Variants in PLA2G4A observed in about 807,000 individuals in gnomAD.
PLA2G4A encodes phospholipase A2 group IVA.
In PLA2G4A, 40 loss-of-function variants were observed where a neutral mutation model predicts 81.9. The observed-to-expected ratio is 0.49, with a 90% CI of 0.38 to 0.64. PLA2G4A has a LOEUF of 0.64. Ranked by LOEUF, PLA2G4A falls within the 30% of genes least tolerant of loss-of-function variation. The pLI, the probability that PLA2G4A is intolerant of heterozygous loss-of-function variation, is 0.00. For missense variants in PLA2G4A, 715 were observed against 905.1 expected (o/e 0.79, Z 2.69); for synonymous variants, 302 against 296.9 (o/e 1.02, Z -0.18).
chr1:186,898,198 T>C (rs1654410297), intron 5 of PLA2G4A, among the ~76,000 whole-genome samples: 1 of 152,056 alleles, frequency 6.6e-6, no homozygotes, highest in South Asian at 2.1e-4. Context: ...AACTTGTAAA[T>C]AGATTGTGTT....
chr1:186,983,526 C>G (rs1657796734), intron 17 of PLA2G4A, among the ~76,000 whole-genome samples: 1 of 152,170 alleles, frequency 6.6e-6, no homozygotes, highest in African/African-American at 2.4e-5. Context: ...CCTGCTTTGC[C>G]AAAGCTAAAT....
At chr1:186,865,827 T>C (rs1171404883) in intron 2 of PLA2G4A, among the ~76,000 whole-genome samples, 2 of 152,192 alleles carry the variant, frequency 1.3e-5, no homozygotes, top group Admixed American at 6.6e-5. Flanking sequence ...AATATACTTA[T>C]CCAGAATGAA....
chr1:186,944,274 G>A (rs1290585138), intron 10 of PLA2G4A, among the ~76,000 whole-genome samples: 1 of 152,122 alleles, frequency 6.6e-6, no homozygotes, highest in South Asian at 2.1e-4. Flanking sequence ...GTCACCAGCA[G>A]GAGAGAATTA....
intron 7 of PLA2G4A, among the ~76,000 whole-genome samples, chr1:186,927,863 T>C (rs1175287685): frequency 6.6e-6 from 1 of 152,190 alleles, no homozygotes; most frequent in Non-Finnish European, 1.5e-5. Context: ...TCCATTCCTA[T>C]GTTTCTGTTG....
At chr1:186,892,447 T>A (rs1364854236) in intron 3 of PLA2G4A, among the ~76,000 whole-genome samples, 2 of 152,226 alleles carry the variant, frequency 1.3e-5, no homozygotes, top group African/African-American at 2.4e-5. Context: ...TTTAAATTTT[T>A]AATCCATTTT....
intron 1 of PLA2G4A, among the ~76,000 whole-genome samples, chr1:186,837,114 G>T (rs926978183): frequency 1.3e-5 from 2 of 152,170 alleles, no homozygotes; most frequent in East Asian, 1.9e-4. Flanking sequence ...GAGGGAAAGT[G>T]GTTCTAGAGG....
intron 14 of PLA2G4A, among the ~76,000 whole-genome samples, chr1:186,960,143 G>T (rs924166671): frequency 1.8e-4 from 27 of 152,256 alleles, no homozygotes; most frequent in Middle Eastern, 3.4e-3. Context: ...CTGCAAAATA[G>T]TTGTGTACCT....
At chr1:186,909,602 G>T (rs1258458612) in intron 6 of PLA2G4A, among the ~76,000 whole-genome samples, 2 of 147,948 alleles carry the variant, frequency 1.4e-5, no homozygotes, top group Non-Finnish European at 3.0e-5. Flanking sequence ...GGAGGTTGTG[G>T]TGAGCTGAGA....
chr1:186,958,703 T>C (rs1656841085), intron 14 of PLA2G4A, among the ~76,000 whole-genome samples: 1 of 152,198 alleles, frequency 6.6e-6, no homozygotes, highest in Non-Finnish European at 1.5e-5. Context: ...ATGGAAGTTT[T>C]CTTTGTGTAT....
At chr1:186,910,385 A>T (rs1323566351) in intron 6 of PLA2G4A, among the ~76,000 whole-genome samples, 1 of 152,136 alleles carries the variant, frequency 6.6e-6, no homozygotes, top group Non-Finnish European at 1.5e-5. Flanking sequence ...ACAGATTTTT[A>T]AAAAGTATTT....
chr1:186,864,464 T>A (rs1318592239), intron 2 of PLA2G4A, among the ~76,000 whole-genome samples: 1 of 152,102 alleles, frequency 6.6e-6, no homozygotes, highest in Non-Finnish European at 1.5e-5. Flanking sequence ...CCAGCATTTG[T>A]CATTTTTGTG....
chr1:186,843,519 C>G (rs1027399517), intron 1 of PLA2G4A, among the ~76,000 whole-genome samples: 2 of 152,128 alleles, frequency 1.3e-5, no homozygotes, highest in Non-Finnish European at 2.9e-5. Context: ...TTGTGCTGCT[C>G]ACAGCTATGG....
intron 7 of PLA2G4A, among the ~76,000 whole-genome samples, chr1:186,915,909 C>G (rs1304931094): frequency 1.2e-4 from 19 of 152,122 alleles, no homozygotes; most frequent in Admixed American, 1.2e-3. Flanking sequence ...GTTTTAGGAC[C>G]CAGAAATTAT....
chr1:186,921,667 G>C (rs994531245), intron 7 of PLA2G4A, among the ~76,000 whole-genome samples: 6 of 152,232 alleles, frequency 3.9e-5, no homozygotes, highest in Non-Finnish European at 7.4e-5. Flanking sequence ...GGCCTCAGGA[G>C]TGGGGAGCCC....
At chr1:186,932,647 A>G in intron 7 of PLA2G4A, 116 bp from the exon 8 acceptor site, 1 of 1,061,848 alleles carries the variant, frequency 9.4e-7, no homozygotes, top group South Asian at 1.3e-5. Flanking sequence ...GTATGAAGTT[A>G]ACTTACACTT....
chr1:186,911,767 G>A (rs567185999), intron 7 of PLA2G4A, among the ~76,000 whole-genome samples: 1 of 152,198 alleles, frequency 6.6e-6, no homozygotes, highest in South Asian at 2.1e-4. Flanking sequence ...TAGATATGAG[G>A]AGATTTATTA....
intron 14 of PLA2G4A, among the ~76,000 whole-genome samples, chr1:186,962,485 AT>A (rs1347818495): frequency 1.6e-5 from 2 of 124,760 alleles, no homozygotes; most frequent in Non-Finnish European, 1.6e-5. Flanking sequence ...TAGTTATTTT[AT>A]TTTATTTATT....
chr1:186,904,552 G>A (rs1222454522), intron 5 of PLA2G4A, among the ~76,000 whole-genome samples: 1 of 152,228 alleles, frequency 6.6e-6, no homozygotes, highest in Non-Finnish European at 1.5e-5. Flanking sequence ...ATTTCCTCCT[G>A]GTTGTGGGTG....
rs12720563 is a variant in PLA2G4A at position 186,911,490 on chromosome 1, G to A, written c.558+101G>A. 6.6e-4 allele frequency: 584 copies of A among 880,208 alleles called. 2 individuals are homozygous for A. The highest frequency in any genetic ancestry group is 2.0e-3 in the East Asian group (81 of 40,296). 54.5% of individuals were successfully genotyped at this position (880,208 alleles called of 1,614,324 possible). A position where few individuals can be genotyped will look rare whatever the true frequency, so the allele number is the denominator to read the frequency against. ...CCAAATATGGCAATATTGAGATTGA[G>A]CATTATTCCTTTAGTTTTTTAAGGT... On this transcript the variant is annotated intron_variant, in intron 7 of 17. Coordinates refer to ENST00000367466, the MANE Select transcript of PLA2G4A (RefSeq NM_024420.3).
Sources: allele counts gnomAD v4.1 joint callset (sites outside exome capture counted in the v4.1 genomes callset), GRCh38; gene constraint gnomAD v4.1.1; transcripts MANE v1.5; gene names NCBI Gene and HGNC (gene_info 2026-07-23, HGNC 2026-07-21).